The following ME2 variants were observed in gnomAD, a reference collection of about 807,000 sequenced individuals.
ME2 encodes the protein NAD-dependent malic enzyme, mitochondrial.
ME2 carries 60 observed loss-of-function variants against 73.7 expected under a neutral mutation model. That is an observed-to-expected ratio of 0.81 (90% CI 0.66 to 1.01). ME2 has a LOEUF of 1.01. ME2 is among the 50% of genes least tolerant of loss of function. The probability of loss-of-function intolerance (pLI) is 0.00; values close to 1 mark genes in which losing one functional copy is unlikely to be tolerated. For synonymous variants in ME2, 199 were observed against 236.9 expected (o/e 0.84, Z 1.47); for missense variants, 594 against 705.5 (o/e 0.84, Z 1.79).
intron 14 of ME2, chr18:50,939,913 C>T (rs1021889948): frequency 7.0e-6 from 3 of 426,042 alleles, no homozygotes; most frequent in African/African-American, 4.0e-5. Flanking sequence ...ATAGATAACT[C>T]CTTGCATGTT....
At chr18:50,897,306 T>G (rs567846108) in intron 2 of ME2, among the ~76,000 whole-genome samples, 264 of 152,346 alleles carry the variant, frequency 1.7e-3, no homozygotes, top group Middle Eastern at 3.4e-3. Flanking sequence ...TTTATACTTA[T>G]GGAAATAATT....
rs968348019 is a variant in ME2 at position 50,879,323 on chromosome 18, G to C, written c.-13+15G>C. 1.3e-5 allele frequency: 2 copies of C among 151,818 alleles called. No individual in the cohort carries two copies. Among genetic ancestry groups the C allele is most frequent in the East Asian group, 3.9e-4 (2 of 5,188 alleles). 9.4% of individuals were successfully genotyped at this position (151,818 alleles called of 1,614,324 possible). A position where few individuals can be genotyped will look rare whatever the true frequency, so the allele number is the denominator to read the frequency against. On this transcript the variant is annotated intron_variant, in intron 1 of 15. Transcript: ENST00000321341. ...CGAGACCTCTGGTAAGGCCCGGCGC[G>C]GTGGGGCCCGGGCGGGGGTCCGGGA...
intron 2 of ME2, among the ~76,000 whole-genome samples, chr18:50,902,094 A>G (rs770084255): frequency 6.6e-5 from 10 of 152,206 alleles, no homozygotes; most frequent in Non-Finnish European, 1.3e-4. Context: ...TGCCAGAACT[A>G]AAAGAGCTAA....
chr18:50,923,387 C>T (rs1400633753), intron 10 of ME2, among the ~76,000 whole-genome samples: 1 of 152,066 alleles, frequency 6.6e-6, no homozygotes, highest in African/African-American at 2.4e-5. Flanking sequence ...TAAGTTTGTT[C>T]AGTTGTGGAG....
At chr18:50,900,229 A>G (rs1916853378) in intron 2 of ME2, among the ~76,000 whole-genome samples, 1 of 151,518 alleles carries the variant, frequency 6.6e-6, no homozygotes, top group Admixed American at 6.6e-5. Context: ...TTTTTTTTTA[A>G]ATAAGAATAG....
Position 50,879,286 on chromosome 18 carries a change from C to T in ME2, c.-35C>T, listed in dbSNP as rs1005941252. 8 of 152,102 alleles carry T rather than the reference C, an allele frequency of 5.3e-5. No homozygotes were observed. Among genetic ancestry groups the T allele is most frequent in the African/African-American group, 1.7e-4 (7 of 41,430 alleles). The allele number at this position is 152,102 out of a possible 1,614,324, so 9.4% of individuals were successfully genotyped here. ...CGCGGCCTCTCCGCCGGGTGTACCA[C>T]CTGTCGCGGCGCGAGACCTCTGGTA... On this transcript the variant is annotated 5_prime_UTR_variant, in exon 1 of 16. Coordinates refer to ENST00000321341, the MANE Select transcript of ME2 (RefSeq NM_002396.5).
intron 2 of ME2, among the ~76,000 whole-genome samples, chr18:50,906,447 G>T (rs949742092): frequency 6.6e-6 from 1 of 152,020 alleles, no homozygotes; most frequent in Non-Finnish European, 1.5e-5. Flanking sequence ...CGAGTAGCTG[G>T]GACCACAGGC....
rs926226325 is a variant in ME2 at position 50,947,979 on chromosome 18, A to T, written c.*795A>T. On this transcript the variant is annotated 3_prime_UTR_variant, in exon 16 of 16. Transcript: ENST00000321341. The stretch of plus-strand genomic sequence containing the variant: ...ATTTTTGTTACTTCTAGATGATTCT[A>T]GGAGGGAGTATAAGATACCTAATCA... 9 of 152,178 alleles carry T rather than the reference A, an allele frequency of 5.9e-5. No homozygotes were observed. The highest frequency in any genetic ancestry group is 1.4e-4 in the African/African-American group (6 of 41,452). The allele number at this position is 152,178 out of a possible 1,614,324, so 9.4% of individuals were successfully genotyped here.
intron 4 of ME2, among the ~76,000 whole-genome samples, chr18:50,913,751 A>T (rs951280331): frequency 3.3e-5 from 5 of 152,028 alleles, no homozygotes; most frequent in African/African-American, 1.2e-4. Context: ...GAGTCGCGTG[A>T]TCCCCATGAA....
chr18:50,938,388 G>A (rs1488363531), intron 13 of ME2, among the ~76,000 whole-genome samples: 3 of 152,088 alleles, frequency 2.0e-5, no homozygotes, highest in Non-Finnish European at 2.9e-5. Flanking sequence ...ACAATCACCT[G>A]AAAAGGCTCT....
intron 13 of ME2, among the ~76,000 whole-genome samples, chr18:50,938,815 A>T (rs188647188): frequency 1.3e-5 from 2 of 152,316 alleles, no homozygotes; most frequent in Non-Finnish European, 2.9e-5. Flanking sequence ...AGAATATATA[A>T]AGTAGCTAAA....
At position 50,895,901 on chromosome 18, in the gene ME2, A is replaced by G; in HGVS notation, c.81A>G (p.Pro27=). 6.2e-7 allele frequency: 1 copy of G among 1,613,484 alleles called. No individual in the cohort carries two copies. Among genetic ancestry groups the G allele is most frequent in the Non-Finnish European group, 8.5e-7 (1 of 1,179,494 alleles). ...TGCACATAAAAGAAAAAGGCAAGCC[A>G]CTTATGCTGAACCCAAGAACAAACA... ...RHLHIKEKGK[P]LMLNPRTNKG... Residue 27 remains proline, a synonymous_variant, in exon 2 of 16, where the codon CCA becomes CCG. Coordinates refer to ENST00000321341, the MANE Select transcript of ME2 (RefSeq NM_002396.5).
intron 12 of ME2, among the ~76,000 whole-genome samples, chr18:50,927,751 T>TATATATATACACAC (rs1316314513): frequency 8.1e-6 from 1 of 123,292 alleles, no homozygotes; most frequent in African/African-American, 3.3e-5. Context: ...TATATATATA[T>TATATATATACACAC]ACACACCACA....
chr18:50,922,583 ATGT>A (rs1370117450), intron 10 of ME2, among the ~76,000 whole-genome samples: 1 of 152,222 alleles, frequency 6.6e-6, no homozygotes. Flanking sequence ...TTCATCAAAT[ATGT>A]TGTGATTCTT....
At chr18:50,907,963 A>C in intron 2 of ME2, 100 bp from the exon 3 acceptor site, 5 of 904,030 alleles carry the variant, frequency 5.5e-6, no homozygotes, top group Non-Finnish European at 8.2e-6. Flanking sequence ...ATAATATGTC[A>C]TTGATTTTTC....
intron 12 of ME2, among the ~76,000 whole-genome samples, chr18:50,926,983 T>C (rs1917567918): frequency 6.6e-6 from 1 of 152,244 alleles, no homozygotes; most frequent in Non-Finnish European, 1.5e-5. Context: ...GTTTGTCTTT[T>C]CTAAGGCTGT....
chr18:50,949,287 C>T lies in ME2; in HGVS notation c.*2103C>T, dbSNP rs1458816202. 1.3e-5 allele frequency: 2 copies of T among 152,168 alleles called. No individual in the cohort carries two copies. The highest frequency in any genetic ancestry group is 2.9e-5 in the Non-Finnish European group (2 of 68,030). The allele number at this position is 152,168 out of a possible 1,614,324, so 9.4% of individuals were successfully genotyped here. Reference sequence around the variant, plus strand: ...TTTTTCATAACATACGGTCACAATTCCTTTCTTTTAATTAAAGACAAAAGG... The same window carrying T: ...TTTTTCATAACATACGGTCACAATTTCTTTCTTTTAATTAAAGACAAAAGG... On this transcript the variant is annotated 3_prime_UTR_variant, in exon 16 of 16. Transcript: ENST00000321341.
chr18:50,940,546 T>A (rs1041083850), intron 15 of ME2, among the ~76,000 whole-genome samples, 160 bp downstream of exon 15: 3 of 152,248 alleles, frequency 2.0e-5, no homozygotes, highest in African/African-American at 4.8e-5. Flanking sequence ...ATGATTATTT[T>A]GGGTTTGTTG....
chr18:50,898,698 G>C (rs1442975827), intron 2 of ME2, among the ~76,000 whole-genome samples: 1 of 152,122 alleles, frequency 6.6e-6, no homozygotes, highest in Non-Finnish European at 1.5e-5. Context: ...CTCCTAAACT[G>C]TTGGGATTAC....
Sources: allele counts gnomAD v4.1 joint callset (sites outside exome capture counted in the v4.1 genomes callset), GRCh38; gene constraint gnomAD v4.1.1; transcripts MANE v1.5; gene names NCBI Gene and HGNC (gene_info 2026-07-23, HGNC 2026-07-21).